The following NOC3L variants were observed in gnomAD, a reference collection of about 807,000 sequenced individuals.
The protein encoded by NOC3L is nucleolar complex protein 3 homolog.
NOC3L carries 85 observed loss-of-function variants against 102.5 expected under a neutral mutation model. The observed-to-expected ratio is 0.83, with a 90% CI of 0.70 to 0.99. The LOEUF is 0.99. NOC3L is among the 50% of genes least tolerant of loss of function. The pLI, the probability that NOC3L is intolerant of heterozygous loss-of-function variation, is 0.00. For missense variants in NOC3L, 878 were observed against 914.9 expected (o/e 0.96, Z 0.52); for synonymous variants, 303 against 309.4 (o/e 0.98, Z 0.22).
intron 9 of NOC3L, among the ~76,000 whole-genome samples, chr10:94,349,656 T>C (rs568173108): frequency 1.3e-5 from 2 of 152,322 alleles, no homozygotes; most frequent in Admixed American, 6.5e-5. Context: ...TTTCTTCAGA[T>C]AGACAGTGTT....
chr10:94,339,596 C>T, intron 17 of NOC3L, 143 bp downstream of exon 17: 1 of 691,664 alleles, frequency 1.4e-6, no homozygotes, highest in Non-Finnish European at 2.3e-6. Context: ...ATTTTATATA[C>T]CTCTTTTGTC....
chr10:94,353,591 C>G (rs578237194), intron 6 of NOC3L, among the ~76,000 whole-genome samples: 8 of 152,152 alleles, frequency 5.3e-5, no homozygotes, highest in Non-Finnish European at 1.2e-4. Flanking sequence ...CTTCCAACAT[C>G]AGAGGTCACA....
chr10:94,332,391 A>C (rs2054170052), downstream of NOC3L: 3 of 151,924 alleles, frequency 2.0e-5, no homozygotes, highest in South Asian at 6.2e-4. Flanking sequence ...ATTATTTCCC[A>C]CCCCACTCTT....
In NOC3L at chr10:94,334,157, C is replaced by A; in HGVS notation, c.*20G>T. On this transcript the variant is annotated 3_prime_UTR_variant, in exon 21 of 21. Transcript: ENST00000371361. ...TGCACACACAAATATACAAGAAAGT[C>A]CACTGACTTCATTCCTCTACTAGTG... 1 of 1,073,682 alleles carries A rather than the reference C, an allele frequency of 9.3e-7. No homozygotes were observed. Among genetic ancestry groups the A allele is most frequent in the South Asian group, 1.3e-5 (1 of 75,640 alleles). 66.5% of individuals were successfully genotyped at this position (1,073,682 alleles called of 1,614,324 possible). A position where few individuals can be genotyped will look rare whatever the true frequency, so the allele number is the denominator to read the frequency against.
chr10:94,316,103 G>C, the NOC3L span, among the ~76,000 whole-genome samples: 214 of 152,214 alleles, frequency 1.4e-3, no homozygotes, highest in African/African-American at 5.1e-3. Flanking sequence ...GAATTCCCAG[G>C]AACTTAGACC....
At chr10:94,339,658 A>AG in intron 17 of NOC3L, 81 bp downstream of exon 17, 2 of 1,062,938 alleles carry the variant, frequency 1.9e-6, no homozygotes. Flanking sequence ...ATAATATAAA[A>AG]GGGGGGAAAA....
the NOC3L span, chr10:94,325,102 C>T: frequency 1.2e-6 from 2 of 1,607,140 alleles, no homozygotes; most frequent in Admixed American, 3.3e-5. Flanking sequence ...ATGTTTAACC[C>T]AGGTATAGTA....
At chr10:94,335,185 C>A (rs1436033019) in intron 19 of NOC3L, among the ~76,000 whole-genome samples, 1 of 152,134 alleles carries the variant, frequency 6.6e-6, no homozygotes, top group East Asian at 1.9e-4. Flanking sequence ...GTAAATGAAT[C>A]CTTAATGATT....
In NOC3L at chr10:94,352,414, C is replaced by A. The variant is rs950535989; in HGVS notation, c.859-11G>T. On this transcript the variant is annotated splice_polypyrimidine_tract_variant and intron_variant, in intron 7 of 20. Transcript: ENST00000371361. ...GGTTTCTTTTCGGGTCTGAAAAGAC[C>A]AAAAAGGTCAATCATTTTTTAAAAT... The A allele has an allele frequency of 1.3e-6, 2 of 1,557,754 alleles. No individual in the cohort carries two copies. Among genetic ancestry groups the A allele is most frequent in the Non-Finnish European group, 1.8e-6 (2 of 1,135,824 alleles).
intron 6 of NOC3L, among the ~76,000 whole-genome samples, chr10:94,353,755 T>A (rs905837347): frequency 6.6e-6 from 1 of 152,264 alleles, no homozygotes; most frequent in South Asian, 2.1e-4. Context: ...TTTCCTAAAG[T>A]ACGTGTGTCC....
Position 94,344,401 on chromosome 10 carries a change from T to C in NOC3L, c.1571+14A>G. ...AGAAGGAATCTAAAAGATTTCAACC[T>C]ACACAGCCCTTACTTGGCAAGACCT... On this transcript the variant is annotated intron_variant, in intron 13 of 20. Coordinates refer to ENST00000371361, the MANE Select transcript of NOC3L (RefSeq NM_022451.11). The C allele has an allele frequency of 1.3e-6, 2 of 1,569,538 alleles. No homozygotes were observed. Among genetic ancestry groups the C allele is most frequent in the Non-Finnish European group, 1.7e-6 (2 of 1,145,888 alleles).
At chr10:94,338,476 G>T in intron 18 of NOC3L, 132 bp downstream of exon 18, 1 of 955,262 alleles carries the variant, frequency 1.0e-6, no homozygotes, top group South Asian at 3.3e-5. Context: ...TACTAACACA[G>T]GAATTCTAAA....
the NOC3L span, among the ~76,000 whole-genome samples, chr10:94,319,864 C>CCTTTTTTTTTT: frequency 2.2e-5 from 2 of 92,912 alleles, no homozygotes; most frequent in African/African-American, 7.5e-5. Flanking sequence ...CAAAGGTGCT[C>CCTTTTTTTTTT]TTTTTTTTTT....
Position 94,333,950 on chromosome 10 carries a change from T to C in NOC3L, c.*227A>G. On this transcript the variant is annotated 3_prime_UTR_variant, in exon 21 of 21. Coordinates refer to ENST00000371361, the MANE Select transcript of NOC3L (RefSeq NM_022451.11). Reference sequence around the variant, plus strand: ...AGGCAGCATCATCAAGAAAGTAATTTCCAAATACTGGGGAGAAAAAAAGGC... The same window carrying C: ...AGGCAGCATCATCAAGAAAGTAATTCCCAAATACTGGGGAGAAAAAAAGGC... The C allele has an allele frequency of 6.3e-6, 2 of 319,514 alleles. No individual in the cohort carries two copies. Among genetic ancestry groups the C allele is most frequent in the South Asian group, 1.5e-4 (1 of 6,630 alleles). The allele number at this position is 319,514 out of a possible 1,614,324, so 19.8% of individuals were successfully genotyped here.
chr10:94,361,576 A>G, intron 2 of NOC3L, 89 bp downstream of exon 2: 1 of 1,248,138 alleles, frequency 8.0e-7, no homozygotes, highest in Non-Finnish European at 1.2e-6. Context: ...GAACAAGAAA[A>G]GCGATTACTA....
intron 2 of NOC3L, among the ~76,000 whole-genome samples, chr10:94,359,822 A>G (rs1398940873): frequency 6.6e-6 from 1 of 152,160 alleles, no homozygotes; most frequent in Non-Finnish European, 1.5e-5. Context: ...CTATGGAGAA[A>G]AGTTTGGAAG....
At chr10:94,317,217 T>C in the NOC3L span, among the ~76,000 whole-genome samples, 1 of 152,164 alleles carries the variant, frequency 6.6e-6, no homozygotes, top group Non-Finnish European at 1.5e-5. Flanking sequence ...ATCGTGCCAT[T>C]GTGCTCTGGC....
chr10:94,319,244 A>AT, the NOC3L span, among the ~76,000 whole-genome samples: 1 of 152,198 alleles, frequency 6.6e-6, no homozygotes, highest in African/African-American at 2.4e-5. Flanking sequence ...AATGACTGAA[A>AT]TATATCTCAA....
At chr10:94,350,716 C>CAAAA (rs201167962) in intron 8 of NOC3L, among the ~76,000 whole-genome samples, 1 of 62,568 alleles carries the variant, frequency 1.6e-5, no homozygotes, top group Non-Finnish European at 3.4e-5. Context: ...GACATCGTCT[C>CAAAA]AAAAAAAAAA....
Sources: gnomAD v4.1 joint callset for allele counts (sites outside exome capture counted in the v4.1 genomes callset) on GRCh38, gnomAD v4.1.1 for gene constraint, MANE v1.5 for transcripts, NCBI Gene and HGNC (gene_info 2026-07-23, HGNC 2026-07-21) for gene names.